Variants in GPHN observed in about 807,000 individuals in gnomAD.
GPHN encodes the protein gephyrin.
Under a neutral mutation model 95.5 loss-of-function variants are expected in GPHN, and 17 were observed. That is an observed-to-expected ratio of 0.18 (90% CI 0.12 to 0.27). The LOEUF (loss-of-function observed/expected upper bound fraction) is 0.27. GPHN is among the 10% of genes least tolerant of loss of function. The pLI is 1.00. For missense variants in GPHN, 660 were observed against 978.1 expected (o/e 0.67, Z 4.34); for synonymous variants, 320 against 322.5 (o/e 0.99, Z 0.08).
chr14:67,042,576 C>T (rs1429359549), intron 10 of GPHN, among the ~76,000 whole-genome samples: 4 of 152,094 alleles, frequency 2.6e-5, no homozygotes, highest in Non-Finnish European at 4.4e-5. Flanking sequence ...TCATTCTGTC[C>T]CATTGGTCTG....
intron 3 of GPHN, among the ~76,000 whole-genome samples, chr14:66,790,132 C>T (rs957509331): frequency 1.3e-5 from 2 of 152,126 alleles, no homozygotes; most frequent in Non-Finnish European, 2.9e-5. Flanking sequence ...AAGCTTTTAA[C>T]CATAGCACTC....
chr14:67,722,383 T>A, the GPHN span: 1 of 570,598 alleles, frequency 1.8e-6, no homozygotes, highest in Admixed American at 3.0e-5. Context: ...CCAGTAAACC[T>A]AAGTAAGCTT....
At chr14:67,270,314 T>G in the GPHN span, 1 of 152,322 alleles carries the variant, frequency 6.6e-6, no homozygotes. Context: ...GCCTGAAAAT[T>G]TTTCTTGCTT....
At chr14:67,439,535 TTCTTTC>T in the GPHN span, among the ~76,000 whole-genome samples, 1 of 43,542 alleles carries the variant, frequency 2.3e-5, no homozygotes, top group Non-Finnish European at 4.3e-5. Flanking sequence ...ATTCAATAGT[TTCTTTC>T]TTTCTTTCTT....
At chr14:66,587,678 G>A (rs1352728080) in intron 1 of GPHN, among the ~76,000 whole-genome samples, 6 of 152,150 alleles carry the variant, frequency 3.9e-5, no homozygotes, top group African/African-American at 1.2e-4. Flanking sequence ...AAAATATTAA[G>A]TAAAGAAGAT....
the GPHN span, chr14:67,302,626 A>G: frequency 7.9e-7 from 1 of 1,262,924 alleles, no homozygotes; most frequent in Non-Finnish European, 1.0e-6. Context: ...CTCTTATTAG[A>G]CTTTAGAATA....
the GPHN span, among the ~76,000 whole-genome samples, chr14:67,433,959 A>G: frequency 3.3e-5 from 5 of 152,254 alleles, no homozygotes; most frequent in Non-Finnish European, 5.9e-5. Flanking sequence ...GGATGGACGG[A>G]TCTAAATGTG....
chr14:66,546,724 A>C (rs1003598113), intron 1 of GPHN, among the ~76,000 whole-genome samples: 1 of 148,424 alleles, frequency 6.7e-6, no homozygotes, highest in Non-Finnish European at 1.5e-5. Context: ...TGGCAGCAGT[A>C]CAGTCCAGCT....
intron 2 of GPHN, among the ~76,000 whole-genome samples, chr14:66,710,826 T>C (rs952489834): frequency 6.6e-6 from 1 of 152,184 alleles, no homozygotes; most frequent in Admixed American, 6.5e-5. Context: ...TGCTACCTAC[T>C]TCTTAGGATT....
At chr14:67,562,637 C>T in the GPHN span, 1 of 1,613,054 alleles carries the variant, frequency 6.2e-7, no homozygotes. Context: ...CAGCCAGCCC[C>T]AGGTGGGCCA....
At chr14:66,924,336 T>C in intron 8 of GPHN, 44 bp downstream of exon 8, 2 of 1,004,476 alleles carry the variant, frequency 2.0e-6, no homozygotes, top group Non-Finnish European at 3.2e-6. Context: ...CAAATATGTA[T>C]TCTACTTCCT....
chr14:67,575,768 G>C, the GPHN span: 2 of 1,327,460 alleles, frequency 1.5e-6, no homozygotes, highest in Non-Finnish European at 1.1e-6. Flanking sequence ...TCAGAGAGAG[G>C]AGACTCCCTC....
intron 3 of GPHN, among the ~76,000 whole-genome samples, chr14:66,821,773 T>C (rs1240187279): frequency 6.6e-6 from 1 of 152,200 alleles, no homozygotes; most frequent in Non-Finnish European, 1.5e-5. Context: ...GTCTGCCATA[T>C]ATCACATTAG....
the GPHN span, among the ~76,000 whole-genome samples, chr14:67,511,017 C>A: frequency 6.6e-6 from 1 of 152,158 alleles, no homozygotes; most frequent in Non-Finnish European, 1.5e-5. Flanking sequence ...CCTTCAATCT[C>A]CTTGGCTGGC....
At chr14:67,290,277 G>A in the GPHN span, among the ~76,000 whole-genome samples, 1 of 152,156 alleles carries the variant, frequency 6.6e-6, no homozygotes, top group Non-Finnish European at 1.5e-5. Context: ...GAAAGATCAG[G>A]TACTTGTCAT....
intron 2 of GPHN, among the ~76,000 whole-genome samples, chr14:66,682,131 A>G (rs1251350952): frequency 6.6e-6 from 1 of 152,212 alleles, no homozygotes; most frequent in Non-Finnish European, 1.5e-5. Context: ...CTGAAAATGT[A>G]TCGAATATTG....
At chr14:66,761,879 C>G (rs2058770288) in intron 2 of GPHN, among the ~76,000 whole-genome samples, 1 of 152,064 alleles carries the variant, frequency 6.6e-6, no homozygotes, top group African/African-American at 2.4e-5. Flanking sequence ...CCAGGATGGT[C>G]TTGATCTCCT....
At chr14:67,663,683 A>G in the GPHN span, among the ~76,000 whole-genome samples, 1 of 152,186 alleles carries the variant, frequency 6.6e-6, no homozygotes, top group South Asian at 2.1e-4. Flanking sequence ...CAAAATAAAT[A>G]AATAAATAAA....
intron 9 of GPHN, among the ~76,000 whole-genome samples, chr14:66,997,366 TAAAAAAAAAAAA>T: frequency 8.1e-6 from 1 of 123,974 alleles, no homozygotes; most frequent in Middle Eastern, 4.1e-3. Context: ...GACTTCGTCT[TAAAAAAAAAAAA>T]AAAAAAAAAG....
Sources: allele counts gnomAD v4.1 joint callset (sites outside exome capture counted in the v4.1 genomes callset), GRCh38; gene constraint gnomAD v4.1.1; transcripts MANE v1.5; gene names NCBI Gene and HGNC (gene_info 2026-07-23, HGNC 2026-07-21).